The following PRELID2 variants were observed in gnomAD, a reference collection of about 807,000 sequenced individuals.
The protein encoded by PRELID2 is PRELI domain-containing protein 2.
Under a neutral mutation model 28.4 loss-of-function variants are expected in PRELID2, and 25 were observed. The observed-to-expected ratio is 0.88, with a 90% confidence interval of 0.64 to 1.23. The LOEUF (loss-of-function observed/expected upper bound fraction) is 1.23, where lower values mean the gene tolerates loss of function less well. Among genes scored for constraint, PRELID2 ranks in the 50% most tolerant of loss-of-function variants. PRELID2 has a pLI of 0.00. For missense variants in PRELID2, 201 were observed against 214.4 expected (o/e 0.94, Z 0.39); for synonymous variants, 76 against 71.6 (o/e 1.06, Z -0.31).
chr5:145,419,805 C>G, the PRELID2 span, among the ~76,000 whole-genome samples: 1 of 151,846 alleles, frequency 6.6e-6, no homozygotes, highest in African/African-American at 2.4e-5. Context: ...AGTCCTTGCC[C>G]ATGCCTATGT....
rs532110673 is a variant in PRELID2, at chr5:145,548,938, ACCT to A, written n.71-75626_71-75624del. On this transcript the variant is annotated intron_variant and non_coding_transcript_variant, in intron 1 of 2. Coordinates refer to the PRELID2 transcript ENST00000510259. ...CATCTGCCACTCATTTGTACCCACC[ACCT>A]CAAGTTCCATTTAATTCCTCAAAAA... Among the ~76,000 whole-genome samples the A allele has an allele frequency of 9.5e-4, 145 of 152,116 alleles. 1 individual carries two copies. The highest frequency in any genetic ancestry group is 3.4e-3 in the African/African-American group (139 of 41,426).
the PRELID2 span, among the ~76,000 whole-genome samples, chr5:145,291,619 T>C: frequency 6.6e-6 from 1 of 152,098 alleles, no homozygotes; most frequent in African/African-American, 2.4e-5. Flanking sequence ...AGGAAATGAA[T>C]CCAGTTCAAA....
chr5:145,710,074 T>C (rs1654231), intron 1 of PRELID2, among the ~76,000 whole-genome samples: 29,797 of 152,132 alleles, frequency 0.2, 3,516 homozygotes, highest in African/African-American at 0.33. Flanking sequence ...AAAAGGATGA[T>C]GGAAGAGGAT....
At chr5:145,835,097 T>C in intron 1 of PRELID2, 80 bp downstream of exon 1, 2 of 989,724 alleles carry the variant, frequency 2.0e-6, no homozygotes, top group South Asian at 2.9e-5. Context: ...CGGTGCCAGC[T>C]TCCGCGTGGA....
chr5:145,254,928 A>C, the PRELID2 span, among the ~76,000 whole-genome samples: 1 of 151,860 alleles, frequency 6.6e-6, no homozygotes, highest in Non-Finnish European at 1.5e-5. Context: ...AAAAAAAAAA[A>C]AAATGACTCC....
chr5:145,359,485 A>T, the PRELID2 span, among the ~76,000 whole-genome samples: 1 of 152,224 alleles, frequency 6.6e-6, no homozygotes, highest in Non-Finnish European at 1.5e-5. Context: ...GAAAACAGAA[A>T]GTTTCCTTTG....
the PRELID2 span, among the ~76,000 whole-genome samples, chr5:145,329,878 C>T: frequency 1.3e-5 from 2 of 152,144 alleles, no homozygotes; most frequent in Non-Finnish European, 2.9e-5. Context: ...GGGAATGCTT[C>T]CAGCTTTTGC....
At chr5:145,674,274 T>G (rs1424756777) in intron 1 of PRELID2, among the ~76,000 whole-genome samples, 1 of 152,200 alleles carries the variant, frequency 6.6e-6, no homozygotes, top group Non-Finnish European at 1.5e-5. Flanking sequence ...ACTTGTCATT[T>G]ACATCAGGTA....
intron 4 of PRELID2, among the ~76,000 whole-genome samples, chr5:145,805,817 T>A (rs946682748): frequency 3.3e-5 from 5 of 152,206 alleles, no homozygotes; most frequent in Non-Finnish European, 7.3e-5. Context: ...ACTACAAAGC[T>A]GCACATCATG....
the PRELID2 span, among the ~76,000 whole-genome samples, chr5:145,289,141 AT>A: frequency 5.9e-5 from 9 of 151,758 alleles, no homozygotes; most frequent in Non-Finnish European, 7.4e-5. Flanking sequence ...CTCCTAAATG[AT>A]TTTTTTTAAT....
chr5:145,294,763 G>A, the PRELID2 span, among the ~76,000 whole-genome samples: 2 of 152,106 alleles, frequency 1.3e-5, no homozygotes, highest in Admixed American at 6.6e-5. Context: ...AATCCCTACA[G>A]TGATGTTCTA....
the PRELID2 span, among the ~76,000 whole-genome samples, chr5:145,313,507 T>A: frequency 6.6e-6 from 1 of 151,808 alleles, no homozygotes; most frequent in Non-Finnish European, 1.5e-5. Context: ...TGGCAAAAAC[T>A]TTTCCTGCAT....
the PRELID2 span, among the ~76,000 whole-genome samples, chr5:145,421,843 C>A: frequency 1.4e-5 from 2 of 144,724 alleles, no homozygotes; most frequent in East Asian, 4.0e-4. Flanking sequence ...AATTTTGGAT[C>A]TTTCCTGCTT....
chr5:145,806,957 T>C (rs1340520928), intron 4 of PRELID2, among the ~76,000 whole-genome samples: 1 of 152,208 alleles, frequency 6.6e-6, no homozygotes, highest in East Asian at 1.9e-4. Context: ...CTGTCTCAGT[T>C]ATTTCTTGAT....
rs539233251 is a variant in PRELID2, at chr5:145,499,683, G to A, written n.71-26368C>T. Among the ~76,000 whole-genome samples the A allele has an allele frequency of 1.0e-3, 156 of 152,258 alleles. 1 individual carries two copies. Among genetic ancestry groups the A allele is most frequent in the African/African-American group, 3.6e-3 (148 of 41,552 alleles). ...ACTCTGCCCAGCGATAGAAGAATTT[G>A]TGACAGATGCAAGGGATCATCAAGT... On this transcript the variant is annotated intron_variant and non_coding_transcript_variant, in intron 1 of 2. Transcript: ENST00000510259.
chr5:145,531,595 G>A (rs1752655573), intron 1 of PRELID2, among the ~76,000 whole-genome samples: 1 of 152,166 alleles, frequency 6.6e-6, no homozygotes, highest in South Asian at 2.1e-4. Flanking sequence ...CAAGGAATCT[G>A]GAAGGCCCAT....
At chr5:145,802,502 G>T (rs115224036) in intron 4 of PRELID2, among the ~76,000 whole-genome samples, 2,086 of 152,300 alleles carry the variant, frequency 0.014, 44 homozygotes, top group African/African-American at 0.048. Flanking sequence ...ATAGGGAAGA[G>T]AAAGTGAAGA....
chr5:145,619,966 A>T (rs556613583), intron 1 of PRELID2, among the ~76,000 whole-genome samples: 1 of 152,252 alleles, frequency 6.6e-6, no homozygotes, highest in African/African-American at 2.4e-5. Context: ...AATTTCAAGT[A>T]TTGATGGAAT....
the PRELID2 span, among the ~76,000 whole-genome samples, chr5:145,291,139 A>G: frequency 2.2e-3 from 331 of 151,838 alleles, 2 homozygotes; most frequent in African/African-American, 7.7e-3. Context: ...AGAGATCAAG[A>G]CCATCCTGGC....
Sources: allele counts gnomAD v4.1 joint callset (sites outside exome capture counted in the v4.1 genomes callset), GRCh38; gene constraint gnomAD v4.1.1; transcripts MANE v1.5; gene names NCBI Gene and HGNC (gene_info 2026-07-23, HGNC 2026-07-21).